KDM4C: variants seen among roughly 807,000 people sequenced by gnomAD.
KDM4C encodes the protein lysine demethylase 4C.
A neutral mutation model predicts 129.3 loss-of-function variants in KDM4C; 81 were observed. The ratio of observed to expected loss-of-function variants is 0.63; its 90% CI spans 0.52 to 0.75. The LOEUF (loss-of-function observed/expected upper bound fraction) is 0.75. KDM4C is among the 30% of genes least tolerant of loss of function. KDM4C has a pLI of 0.00. For synonymous variants in KDM4C, 573 were observed against 456.1 expected (o/e 1.26, Z -3.26); for missense variants, 1,457 against 1,304.0 (o/e 1.12, Z -1.81).
At chr9:6,754,165 C>G (rs151154617), upstream of KDM4C, among the ~76,000 whole-genome samples, 147 of 150,664 alleles carry the variant, frequency 9.8e-4, 1 homozygote, top group East Asian at 0.028. Context: ...CGTGAGCTAC[C>G]GAGCCCAGCC....
chr9:6,841,589 C>A (rs1457489705), intron 4 of KDM4C, among the ~76,000 whole-genome samples: 1 of 152,110 alleles, frequency 6.6e-6, no homozygotes, highest in Non-Finnish European at 1.5e-5. Context: ...AGAAAGCAGC[C>A]CCTAAAATAT....
At chr9:6,774,889 G>C (rs889047418) in intron 1 of KDM4C, among the ~76,000 whole-genome samples, 1 of 152,016 alleles carries the variant, frequency 6.6e-6, no homozygotes, top group Non-Finnish European at 1.5e-5. Flanking sequence ...ATATGCCCTT[G>C]CTTTAAAAAA....
intron 8 of KDM4C, among the ~76,000 whole-genome samples, chr9:6,937,753 C>T (rs768476901): frequency 6.6e-6 from 1 of 152,036 alleles, no homozygotes; most frequent in Non-Finnish European, 1.5e-5. Context: ...GCTCTGTCGC[C>T]GAGGCTGGAG....
chr9:6,744,940 T>C (rs1223084107), intron 1 of KDM4C, among the ~76,000 whole-genome samples: 1 of 152,028 alleles, frequency 6.6e-6, no homozygotes, highest in Non-Finnish European at 1.5e-5. Context: ...CCAGCAGATA[T>C]ATGGGATGGA....
intron 1 of KDM4C, among the ~76,000 whole-genome samples, chr9:6,770,070 T>C (rs929905878): frequency 6.6e-6 from 1 of 152,020 alleles, no homozygotes; most frequent in Non-Finnish European, 1.5e-5. Flanking sequence ...CCCCAGGTAC[T>C]TGGGAGGCTG....
chr9:6,721,215 C>T (rs1588022902), intron 1 of KDM4C: 1 of 304,972 alleles, frequency 3.3e-6, no homozygotes, highest in Non-Finnish European at 5.9e-6. Flanking sequence ...CTGGGATTAC[C>T]AGTGCATGCC....
chr9:6,807,411 G>A (rs1443750620), intron 3 of KDM4C, among the ~76,000 whole-genome samples: 1 of 145,106 alleles, frequency 6.9e-6, no homozygotes, highest in African/African-American at 2.6e-5. Context: ...GTCTCCGCCC[G>A]GCCGCCATCC....
chr9:6,879,417 A>G (rs530900564), intron 5 of KDM4C, among the ~76,000 whole-genome samples: 1 of 152,312 alleles, frequency 6.6e-6, no homozygotes, highest in African/African-American at 2.4e-5. Flanking sequence ...AAAGTCACAT[A>G]ATTATGAAAT....
Position 6,888,888 on chromosome 9 carries a change from C to T in KDM4C, c.783+825C>T, listed in dbSNP as rs933001389. 3.5e-4 allele frequency among the ~76,000 whole-genome samples: 14 copies of T among 40,082 alleles called. 4 individuals are homozygous for T. The highest frequency in any genetic ancestry group is 1.7e-3 in the Admixed American group (9 of 5,220). 26.3% of individuals were successfully genotyped at this position (40,082 alleles called of 152,430 possible). A position where few individuals can be genotyped will look rare whatever the true frequency, so the allele number is the denominator to read the frequency against. ...CTGCAAGCTCCGCCTCCCGGGTTCA[C>T]GCCATTCTCCTGCCTCAGCCTCCCA... On this transcript the variant is annotated intron_variant, in intron 7 of 21. Transcript: ENST00000381309.
At chr9:6,958,805 A>G (rs1829550035) in intron 8 of KDM4C, among the ~76,000 whole-genome samples, 1 of 149,210 alleles carries the variant, frequency 6.7e-6, no homozygotes, top group African/African-American at 2.5e-5. Context: ...TGTGGTTGGG[A>G]CCACAGGTGC....
chr9:6,792,793 G>T (rs1826941001), intron 1 of KDM4C, among the ~76,000 whole-genome samples, 179 bp from the exon 2 acceptor site: 3 of 152,162 alleles, frequency 2.0e-5, no homozygotes, highest in African/African-American at 7.2e-5. Context: ...ATGACTAGAG[G>T]CCCTTGTTTG....
chr9:7,020,739 A>G (rs748476783), intron 15 of KDM4C, among the ~76,000 whole-genome samples: 1 of 152,200 alleles, frequency 6.6e-6, no homozygotes, highest in Non-Finnish European at 1.5e-5. Context: ...TGATACAGAC[A>G]TGCAGTACAT....
chr9:7,073,308 A>T (rs1163460145), intron 17 of KDM4C, among the ~76,000 whole-genome samples: 1 of 152,272 alleles, frequency 6.6e-6, no homozygotes, highest in Non-Finnish European at 1.5e-5. Context: ...ATTGCAGATT[A>T]AATGAGATAT....
intron 1 of KDM4C, among the ~76,000 whole-genome samples, chr9:6,747,603 T>C (rs1380029941): frequency 6.7e-6 from 1 of 148,796 alleles, no homozygotes; most frequent in East Asian, 2.0e-4. Flanking sequence ...GGCAATGGAG[T>C]TTTCTGGAAA....
At chr9:7,044,191 C>G (rs568131049) in intron 15 of KDM4C, among the ~76,000 whole-genome samples, 11 of 152,030 alleles carry the variant, frequency 7.2e-5, no homozygotes, top group African/African-American at 2.4e-4. Context: ...ATTGGGGATT[C>G]TTGTTTGAGG....
intron 19 of KDM4C, among the ~76,000 whole-genome samples, chr9:7,141,646 C>G (rs1036549772): frequency 6.6e-6 from 1 of 152,084 alleles, no homozygotes; most frequent in Non-Finnish European, 1.5e-5. Context: ...CGGAAGAAGC[C>G]CAGACTTCCA....
intron 17 of KDM4C, among the ~76,000 whole-genome samples, chr9:7,055,909 G>C (rs1200946635): frequency 6.6e-6 from 1 of 152,146 alleles, no homozygotes; most frequent in Non-Finnish European, 1.5e-5. Context: ...CAGGGCCTCT[G>C]TTAATGCATT....
At chr9:7,122,667 T>A (rs1169319793) in intron 18 of KDM4C, among the ~76,000 whole-genome samples, 1 of 152,210 alleles carries the variant, frequency 6.6e-6, no homozygotes. Flanking sequence ...TCCTAGGAAT[T>A]ATTTATGCTT....
intron 17 of KDM4C, among the ~76,000 whole-genome samples, chr9:7,050,727 A>G (rs2132567606): frequency 6.6e-6 from 1 of 152,272 alleles, no homozygotes; most frequent in Non-Finnish European, 1.5e-5. Context: ...CTGCCTCCAC[A>G]GGCCTATGTC....
Sources: allele counts gnomAD v4.1 joint callset (sites outside exome capture counted in the v4.1 genomes callset), GRCh38; gene constraint gnomAD v4.1.1; transcripts MANE v1.5; gene names NCBI Gene and HGNC (gene_info 2026-07-23, HGNC 2026-07-21).